TMEM135: variants seen among roughly 807,000 people sequenced by gnomAD.
TMEM135 encodes the protein peroxisomal membrane protein 52.
A neutral mutation model predicts 60.3 loss-of-function variants in TMEM135; 30 were observed. That is an observed-to-expected ratio of 0.50 (90% CI 0.37 to 0.68). The LOEUF (loss-of-function observed/expected upper bound fraction) is 0.68, where lower values mean the gene tolerates loss of function less well. Ranked by LOEUF, TMEM135 falls within the 30% of genes least tolerant of loss-of-function variation. The pLI, the probability that TMEM135 is intolerant of heterozygous loss-of-function variation, is 0.00. For synonymous variants in TMEM135, 190 were observed against 186.7 expected, an observed-to-expected ratio of 1.02 and a Z score of -0.14; for missense variants, 468 against 548.8, an observed-to-expected ratio of 0.85 and a Z score of 1.47.
chr11:87,129,905 T>G (rs1451805318), intron 4 of TMEM135, among the ~76,000 whole-genome samples: 4 of 143,858 alleles, frequency 2.8e-5, no homozygotes, highest in Non-Finnish European at 6.1e-5. Context: ...TTGGAAAAAA[T>G]GTACCCTAAA....
intron 1 of TMEM135, among the ~76,000 whole-genome samples, chr11:87,065,352 T>A (rs1427294673): frequency 6.6e-6 from 1 of 152,226 alleles, no homozygotes; most frequent in Non-Finnish European, 1.5e-5. Flanking sequence ...CTTCCAACAT[T>A]TGATGTTGTC....
chr11:87,249,391 T>A (rs1025457226), intron 6 of TMEM135, among the ~76,000 whole-genome samples: 1 of 151,986 alleles, frequency 6.6e-6, no homozygotes, highest in Non-Finnish European at 1.5e-5. Context: ...TGTATCACAT[T>A]GATTGATTTA....
chr11:87,173,534 C>T (rs145201996), intron 5 of TMEM135, among the ~76,000 whole-genome samples: 79 of 152,298 alleles, frequency 5.2e-4, no homozygotes, highest in African/African-American at 1.8e-3. Context: ...GCAGCAAGCT[C>T]ATGCATTGCT....
intron 4 of TMEM135, among the ~76,000 whole-genome samples, chr11:87,094,440 A>G (rs1159172437): frequency 6.6e-6 from 1 of 152,168 alleles, no homozygotes; most frequent in East Asian, 1.9e-4. Flanking sequence ...GTTCTGTGCT[A>G]TTACTGGCAG....
chr11:87,147,583 CAG>C (rs996515327), intron 4 of TMEM135, among the ~76,000 whole-genome samples: 5 of 152,128 alleles, frequency 3.3e-5, no homozygotes, highest in African/African-American at 1.2e-4. Context: ...GAAAATCACC[CAG>C]AGATTACTGC....
At chr11:87,131,525 A>G (rs1050784577) in intron 4 of TMEM135, among the ~76,000 whole-genome samples, 1 of 152,202 alleles carries the variant, frequency 6.6e-6, no homozygotes, top group Non-Finnish European at 1.5e-5. Flanking sequence ...TCAGTGATGA[A>G]TAAATGAATA....
At chr11:87,119,326 A>G (rs1857980448) in intron 4 of TMEM135, among the ~76,000 whole-genome samples, 1 of 152,216 alleles carries the variant, frequency 6.6e-6, no homozygotes, top group Non-Finnish European at 1.5e-5. Context: ...AGCAGTCAAA[A>G]CACACACAAC....
At chr11:87,075,739 A>G (rs1485419158) in intron 3 of TMEM135, among the ~76,000 whole-genome samples, 1 of 152,226 alleles carries the variant, frequency 6.6e-6, no homozygotes, top group Non-Finnish European at 1.5e-5. Context: ...TGGTTCAACA[A>G]TTGGGTCCCA....
chr11:87,303,341 A>T (rs1386059831), intron 8 of TMEM135, among the ~76,000 whole-genome samples: 2 of 151,426 alleles, frequency 1.3e-5, no homozygotes, highest in Non-Finnish European at 2.9e-5. Context: ...ATCCTAAACC[A>T]CCCCCCTCTC....
chr11:87,237,909 A>G (rs1249708086), intron 6 of TMEM135, among the ~76,000 whole-genome samples: 1 of 152,008 alleles, frequency 6.6e-6, no homozygotes, highest in Non-Finnish European at 1.5e-5. Flanking sequence ...ATAAGTGAGA[A>G]CATGTGACAT....
At chr11:87,310,941 A>C (rs1942629724) in intron 10 of TMEM135, among the ~76,000 whole-genome samples, 2 of 152,132 alleles carry the variant, frequency 1.3e-5, no homozygotes, top group South Asian at 4.1e-4. Context: ...TAAGGACATT[A>C]AAGGAGTGTG....
chr11:87,085,439 C>A (rs1857076209), intron 3 of TMEM135, among the ~76,000 whole-genome samples: 1 of 152,156 alleles, frequency 6.6e-6, no homozygotes, highest in Non-Finnish European at 1.5e-5. Context: ...CCATGTTAAA[C>A]AAGCAAGTGA....
chr11:87,212,104 G>GGTA (rs1287773626), intron 5 of TMEM135, among the ~76,000 whole-genome samples: 1 of 152,116 alleles, frequency 6.6e-6, no homozygotes, highest in African/African-American at 2.4e-5. Context: ...ATTTGTAAAT[G>GGTA]GTAAGACTTG....
chr11:87,154,661 T>C (rs369795875), intron 4 of TMEM135, among the ~76,000 whole-genome samples: 3 of 152,256 alleles, frequency 2.0e-5, no homozygotes, highest in East Asian at 3.8e-4. Flanking sequence ...TTTTTGATAA[T>C]AGCCATTCTA....
At position 87,131,865 on chromosome 11, in the gene TMEM135, G is replaced by A. The variant is rs143725327; in HGVS notation, c.397-25476G>A. Among the ~76,000 whole-genome samples, 721 of 152,208 alleles carry A rather than the reference G, an allele frequency of 4.7e-3. 6 individuals are homozygous for A. The highest frequency in any genetic ancestry group is 0.037 in the Middle Eastern group (11 of 294). ...TCTGTATTTACAACCTCTCCCCATC[G>A]CTTGCATTGCCGCCTGAGCTCTGCC... On this transcript the variant is annotated intron_variant, in intron 4 of 14. Coordinates refer to ENST00000305494, the MANE Select transcript of TMEM135 (RefSeq NM_022918.4).
At chr11:87,296,271 T>C (rs1240840558) in intron 7 of TMEM135, among the ~76,000 whole-genome samples, 1 of 152,208 alleles carries the variant, frequency 6.6e-6, no homozygotes, top group African/African-American at 2.4e-5. Context: ...AGCATAGCAA[T>C]TGGCACATAG....
intron 5 of TMEM135, among the ~76,000 whole-genome samples, chr11:87,226,632 G>T (rs990628081): frequency 1.3e-5 from 2 of 152,120 alleles, no homozygotes; most frequent in Non-Finnish European, 2.9e-5. Context: ...ACTATAAAAG[G>T]ACAGGATAGC....
chr11:87,207,075 A>G (rs1318817431), intron 5 of TMEM135, among the ~76,000 whole-genome samples: 3 of 152,172 alleles, frequency 2.0e-5, no homozygotes, highest in African/African-American at 4.8e-5. Flanking sequence ...ATAATCAGAT[A>G]TTTTTCTGAT....
At chr11:87,089,051 A>G (rs1857153172) in intron 3 of TMEM135, among the ~76,000 whole-genome samples, 1 of 152,190 alleles carries the variant, frequency 6.6e-6, no homozygotes, top group Admixed American at 6.5e-5. Flanking sequence ...AAGTAATTGC[A>G]GTTTTTGCCA....
Sources: allele counts gnomAD v4.1 joint callset (sites outside exome capture counted in the v4.1 genomes callset), GRCh38; gene constraint gnomAD v4.1.1; transcripts MANE v1.5; gene names NCBI Gene and HGNC (gene_info 2026-07-23, HGNC 2026-07-21).